The following GLIS3 variants were observed in gnomAD, a reference collection of about 807,000 sequenced individuals.
GLIS3 encodes zinc finger protein GLIS3.
GLIS3 carries 53 observed loss-of-function variants against 78.6 expected under a neutral mutation model. The ratio of observed to expected loss-of-function variants is 0.67; its 90% confidence interval spans 0.54 to 0.85. The LOEUF (loss-of-function observed/expected upper bound fraction) is 0.85, where lower values mean the gene tolerates loss of function less well. GLIS3 is among the 40% of genes least tolerant of loss of function. The pLI is 0.00. For synonymous variants in GLIS3, 684 were observed against 509.9 expected, an observed-to-expected ratio of 1.34 and a Z score of -4.60; for missense variants, 1,703 against 1,231.1, an observed-to-expected ratio of 1.38 and a Z score of -5.74.
chr9:4,282,778 T>G (rs2130304556), intron 2 of GLIS3, among the ~76,000 whole-genome samples: 1 of 152,268 alleles, frequency 6.6e-6, no homozygotes, highest in Admixed American at 6.5e-5. Context: ...CACATGTAGA[T>G]ATGTATCCTA....
At chr9:3,889,868 G>A (rs1453042852) in intron 7 of GLIS3, among the ~76,000 whole-genome samples, 1 of 152,202 alleles carries the variant, frequency 6.6e-6, no homozygotes, top group East Asian at 1.9e-4. Context: ...TTTGGCCTAT[G>A]GGCCATAGTT....
At chr9:4,086,591 A>T (rs1298057069) in intron 4 of GLIS3, among the ~76,000 whole-genome samples, 1 of 152,338 alleles carries the variant, frequency 6.6e-6, no homozygotes, top group African/African-American at 2.4e-5. Context: ...TGTGAAAAGC[A>T]TGTGTCTCCA....
intron 1 of GLIS3, among the ~76,000 whole-genome samples, chr9:4,347,339 A>T (rs1236505491): frequency 6.6e-6 from 1 of 152,068 alleles, no homozygotes; most frequent in Non-Finnish European, 1.5e-5. Context: ...CTCATGACCT[A>T]AACACCTCTC....
chr9:4,188,822 T>G (rs1441366429), intron 2 of GLIS3, among the ~76,000 whole-genome samples: 1 of 152,258 alleles, frequency 6.6e-6, no homozygotes, highest in African/African-American at 2.4e-5. Flanking sequence ...AGTCTGTATT[T>G]CTGTGGGATC....
chr9:4,123,711 C>G, intron 3 of GLIS3: 1 of 396,434 alleles, frequency 2.5e-6, no homozygotes, highest in Non-Finnish European at 4.4e-6. Flanking sequence ...GAAAGGAAAG[C>G]CTATGTTTAT....
the GLIS3 span, among the ~76,000 whole-genome samples, chr9:4,478,134 G>A: frequency 1.3e-5 from 2 of 152,070 alleles, no homozygotes; most frequent in South Asian, 4.1e-4. Flanking sequence ...TGCTGAGTCA[G>A]AAAACAAAGA....
At chr9:4,266,076 G>T (rs533780368) in intron 2 of GLIS3, among the ~76,000 whole-genome samples, 1 of 151,864 alleles carries the variant, frequency 6.6e-6, no homozygotes, top group African/African-American at 2.4e-5. Flanking sequence ...CCGCCACCAT[G>T]CCCGGCTAAT....
the GLIS3 span, among the ~76,000 whole-genome samples, chr9:4,355,005 A>C: frequency 1.3e-5 from 2 of 151,834 alleles, no homozygotes; most frequent in Non-Finnish European, 2.9e-5. Context: ...AGTCCCAGGT[A>C]CTCGGGAGGC....
intron 6 of GLIS3, among the ~76,000 whole-genome samples, chr9:3,909,359 T>TA (rs1413130652): frequency 2.0e-5 from 3 of 152,256 alleles, no homozygotes; most frequent in Non-Finnish European, 4.4e-5. Context: ...GGCTTTGGCA[T>TA]ATGATAGGTA....
chr9:3,888,939 A>C (rs1366836664), intron 7 of GLIS3, among the ~76,000 whole-genome samples: 2 of 152,220 alleles, frequency 1.3e-5, no homozygotes, highest in African/African-American at 4.8e-5. Flanking sequence ...TTGAGGAAGC[A>C]TGTGACATCC....
At chr9:3,901,904 T>G (rs1823332229) in intron 6 of GLIS3, among the ~76,000 whole-genome samples, 2 of 152,252 alleles carry the variant, frequency 1.3e-5, no homozygotes, top group South Asian at 4.1e-4. Flanking sequence ...GAATGAGTTC[T>G]GGTGATCACT....
the GLIS3 span, among the ~76,000 whole-genome samples, chr9:4,475,921 T>A: frequency 2.0e-5 from 3 of 152,142 alleles, no homozygotes; most frequent in South Asian, 6.2e-4. Flanking sequence ...TCTGTTTTAT[T>A]TTTTTGAAAT....
chr9:4,278,973 A>G (rs1224783519), intron 2 of GLIS3, among the ~76,000 whole-genome samples: 1 of 152,186 alleles, frequency 6.6e-6, no homozygotes, highest in Non-Finnish European at 1.5e-5. Flanking sequence ...GACAAACCAG[A>G]GTGTGGAACA....
intron 2 of GLIS3, among the ~76,000 whole-genome samples, chr9:4,246,252 C>A (rs1823791667): frequency 6.6e-6 from 1 of 152,104 alleles, no homozygotes; most frequent in Non-Finnish European, 1.5e-5. Context: ...ACAAATTAAA[C>A]ACAATTTTAA....
At chr9:4,087,542 T>C (rs1457082014) in intron 4 of GLIS3, among the ~76,000 whole-genome samples, 1 of 152,090 alleles carries the variant, frequency 6.6e-6, no homozygotes, top group Non-Finnish European at 1.5e-5. Context: ...AGGGAACAGT[T>C]TGAAAACCCC....
intron 4 of GLIS3, among the ~76,000 whole-genome samples, chr9:3,947,469 A>G (rs1221303411): frequency 6.6e-6 from 1 of 152,244 alleles, no homozygotes; most frequent in Non-Finnish European, 1.5e-5. Context: ...AAATATGTGC[A>G]TATGCATTTG....
chr9:4,309,837 A>C (rs920399641), intron 3 of GLIS3, among the ~76,000 whole-genome samples: 2 of 152,218 alleles, frequency 1.3e-5, no homozygotes, highest in African/African-American at 4.8e-5. Flanking sequence ...CGAAAGAGAC[A>C]TGTGAGACAA....
chr9:4,257,567 G>GTTC (rs879469087), intron 2 of GLIS3, among the ~76,000 whole-genome samples: 1 of 54,398 alleles, frequency 1.8e-5, no homozygotes, highest in Non-Finnish European at 4.4e-5. Context: ...ACATGTATAT[G>GTTC]TTGTTGTTGT....
intron 9 of GLIS3, among the ~76,000 whole-genome samples, chr9:3,835,492 CTG>C (rs1020119482): frequency 6.6e-6 from 1 of 152,220 alleles, no homozygotes; most frequent in Non-Finnish European, 1.5e-5. Flanking sequence ...GTGATGCAGA[CTG>C]TATCAATTCA....
Sources: gnomAD v4.1 joint callset for allele counts (sites outside exome capture counted in the v4.1 genomes callset) on GRCh38, gnomAD v4.1.1 for gene constraint, MANE v1.5 for transcripts, NCBI Gene and HGNC (gene_info 2026-07-23, HGNC 2026-07-21) for gene names.